Variants in CCDC7 observed in about 807,000 individuals in gnomAD.
CCDC7 encodes the protein coiled-coil domain-containing protein 7.
Under a neutral mutation model 196.9 loss-of-function variants are expected in CCDC7, and 183 were observed. The observed-to-expected ratio is 0.93, with a 90% CI of 0.82 to 1.05. The LOEUF (loss-of-function observed/expected upper bound fraction) is 1.05, where lower values mean the gene tolerates loss of function less well. Among genes scored for constraint, CCDC7 ranks in the 50% least tolerant of loss-of-function variants. CCDC7 has a pLI of 0.00. For missense variants in CCDC7, 1,540 were observed against 1,482.2 expected (o/e 1.04, Z -0.64); for synonymous variants, 525 against 484.6 (o/e 1.08, Z -1.10).
exon 5 of CCDC7, chr10:32,463,046 A>G: frequency 1.2e-6 from 2 of 1,613,476 alleles, no homozygotes; most frequent in South Asian, 2.2e-5. Flanking sequence ...ATCAGATGGA[A>G]GAAGTAAGTC....
At chr10:32,493,239 A>G (rs983743123) in intron 9 of CCDC7, among the ~76,000 whole-genome samples, 2 of 151,946 alleles carry the variant, frequency 1.3e-5, no homozygotes, top group Admixed American at 6.6e-5. Flanking sequence ...TTAGGGTTCT[A>G]CATATAAGTG....
intron 33 of CCDC7, among the ~76,000 whole-genome samples, chr10:32,841,713 A>G (rs562406954): frequency 2.4e-4 from 36 of 152,160 alleles, no homozygotes; most frequent in African/African-American, 8.4e-4. Flanking sequence ...TTCAAACTAT[A>G]AGGCCATAGT....
intron 31 of CCDC7, among the ~76,000 whole-genome samples, chr10:32,818,967 G>A (rs1465961428): frequency 6.6e-6 from 1 of 152,110 alleles, no homozygotes; most frequent in Non-Finnish European, 1.5e-5. Context: ...TAAGATCAGA[G>A]CAGAACTGAA....
At chr10:32,754,135 A>T (rs1208870222) in intron 28 of CCDC7, among the ~76,000 whole-genome samples, 1 of 152,192 alleles carries the variant, frequency 6.6e-6, no homozygotes, top group Non-Finnish European at 1.5e-5. Flanking sequence ...AGAAGAAATG[A>T]TACAACACGA....
chr10:32,487,012 G>C (rs1447140302), intron 8 of CCDC7, among the ~76,000 whole-genome samples: 13 of 152,012 alleles, frequency 8.6e-5, no homozygotes, highest in Non-Finnish European at 1.5e-4. Context: ...GGTGTTCTCT[G>C]TGTTTCCTGA....
intron 8 of CCDC7, among the ~76,000 whole-genome samples, chr10:32,480,367 G>C (rs1358990670): frequency 2.6e-5 from 4 of 151,784 alleles, no homozygotes; most frequent in Non-Finnish European, 5.9e-5. Context: ...CTGTTGCCCA[G>C]GCTGGAGTAG....
At chr10:32,642,046 G>A (rs190489018) in intron 20 of CCDC7, among the ~76,000 whole-genome samples, 1 of 152,298 alleles carries the variant, frequency 6.6e-6, no homozygotes, top group Non-Finnish European at 1.5e-5. Context: ...GTCATGTGAG[G>A]TGTCAGTCTG....
chr10:32,616,514 C>G (rs912867560), intron 18 of CCDC7, among the ~76,000 whole-genome samples: 1 of 150,288 alleles, frequency 6.7e-6, no homozygotes, highest in Non-Finnish European at 1.5e-5. Flanking sequence ...ATTTTGCATC[C>G]TGAAACTTTT....
At chr10:32,655,498 T>C (rs925514515) in intron 20 of CCDC7, among the ~76,000 whole-genome samples, 3 of 152,178 alleles carry the variant, frequency 2.0e-5, no homozygotes, top group Admixed American at 6.5e-5. Context: ...CATTTTTTCA[T>C]ATACTTGTTG....
At chr10:32,711,774 T>A in intron 25 of CCDC7, 44 bp downstream of exon 26, 1 of 1,226,178 alleles carries the variant, frequency 8.2e-7, no homozygotes, top group Non-Finnish European at 1.1e-6. Flanking sequence ...TTTAAGTAAA[T>A]CTCAAAAGAA....
At chr10:32,616,488 T>C (rs1181763528) in intron 18 of CCDC7, among the ~76,000 whole-genome samples, 1 of 151,968 alleles carries the variant, frequency 6.6e-6, no homozygotes, top group East Asian at 1.9e-4. Flanking sequence ...AAAATGCTTC[T>C]GATTTCTGTA....
chr10:32,827,196 G>A (rs111267614), intron 32 of CCDC7, among the ~76,000 whole-genome samples: 1 of 152,322 alleles, frequency 6.6e-6, no homozygotes, highest in Non-Finnish European at 1.5e-5. Flanking sequence ...ATGGTGGCAG[G>A]GATGGAGGTT....
At chr10:32,573,462 A>G (rs1282021389) in intron 16 of CCDC7, among the ~76,000 whole-genome samples, 1 of 152,226 alleles carries the variant, frequency 6.6e-6, no homozygotes, top group African/African-American at 2.4e-5. Context: ...CTATGAAGAC[A>G]TGGTAAGGCA....
chr10:32,567,538 T>G, intron 14 of CCDC7, 132 bp from the exon 16 acceptor site: 2 of 1,041,786 alleles, frequency 1.9e-6, no homozygotes, highest in Non-Finnish European at 2.7e-6. Flanking sequence ...AGCTTACCTT[T>G]GCTCCCTTCA....
intron 41 of CCDC7, among the ~76,000 whole-genome samples, chr10:32,867,765 A>G (rs886420921): frequency 4.0e-5 from 6 of 151,846 alleles, no homozygotes; most frequent in Admixed American, 3.9e-4. Context: ...TTTAGTAAAC[A>G]TACATTACAT....
chr10:32,597,686 G>A (rs58828786), intron 18 of CCDC7, among the ~76,000 whole-genome samples: 7,866 of 152,196 alleles, frequency 0.052, 672 homozygotes, highest in African/African-American at 0.18. Flanking sequence ...TGATGCTGAC[G>A]CACAGATGGG....
chr10:32,835,856 C>A (rs2092560074), intron 33 of CCDC7, among the ~76,000 whole-genome samples: 1 of 151,936 alleles, frequency 6.6e-6, no homozygotes, highest in Admixed American at 6.6e-5. Context: ...AAAATGAAAA[C>A]AAATGCAGTA....
At chr10:32,689,968 C>T (rs1342336942) in intron 23 of CCDC7, among the ~76,000 whole-genome samples, 1 of 152,140 alleles carries the variant, frequency 6.6e-6, no homozygotes, top group Non-Finnish European at 1.5e-5. Context: ...CTCCTGACCT[C>T]AAATGATCCA....
At position 32,544,348 on chromosome 10, in the gene CCDC7, C is replaced by A. The variant is rs768038965; in HGVS notation, c.1134+47C>A. On this transcript the variant is annotated intron_variant, in intron 13 of 41. Transcript: ENST00000639629. ...TGCATCAATATTTGATTAATACTTG[C>A]TCTGATAGTCATATATAGAGAAACA... 41 of 1,555,208 alleles carry A rather than the reference C, an allele frequency of 2.6e-5. 1 individual carries two copies. The East Asian group carries it at 8.0e-4, about 30-fold the overall frequency.
Sources: allele counts gnomAD v4.1 joint callset (sites outside exome capture counted in the v4.1 genomes callset), GRCh38; gene constraint gnomAD v4.1.1; transcripts MANE v1.5; gene names NCBI Gene and HGNC (gene_info 2026-07-23, HGNC 2026-07-21).